The following ANKRD53 variants were observed in gnomAD, a reference collection of about 807,000 sequenced individuals.
ANKRD53 encodes ankyrin repeat domain-containing protein 53.
Under a neutral mutation model 30.1 loss-of-function variants are expected in ANKRD53, and 27 were observed. The observed-to-expected ratio is 0.90, with a 90% confidence interval of 0.66 to 1.24. The LOEUF (loss-of-function observed/expected upper bound fraction) is 1.24, where lower values mean the gene tolerates loss of function less well. Among genes scored for constraint, ANKRD53 ranks in the 50% most tolerant of loss-of-function variants. The pLI is 0.00. For synonymous variants in ANKRD53, 286 were observed against 295.4 expected, an observed-to-expected ratio of 0.97 and a Z score of 0.33; for missense variants, 682 against 721.0, an observed-to-expected ratio of 0.95 and a Z score of 0.62.
intron 3 of ANKRD53, 45 bp from the exon 4 acceptor site, chr2:70,981,891 G>A (rs1553423654): frequency 6.7e-7 from 1 of 1,497,796 alleles, no homozygotes; most frequent in Non-Finnish European, 8.9e-7. Flanking sequence ...GATGCTCTTT[G>A]TCTTTCCTTT....
At chr2:70,983,609 C>T (rs1553424059) in intron 5 of ANKRD53, among the ~76,000 whole-genome samples, 5 of 152,180 alleles carry the variant, frequency 3.3e-5, no homozygotes, top group African/African-American at 2.4e-5. Flanking sequence ...CAGCCCTATC[C>T]TCCTCTGATG....
At position 70,979,720 on chromosome 2, in the gene ANKRD53, G is replaced by C; in HGVS notation, c.477G>C (p.Leu159=). The change falls in exon 3 of 6, where the codon CTG becomes CTC. Residue 159 remains leucine, a synonymous_variant. Coordinates refer to ENST00000360589, the MANE Select transcript of ANKRD53 (RefSeq NM_001115116.2). The part of the protein sequence containing the change: ...QWGKLACLQV[L]VEEYKFPVDL... ...GCAAGCTTGCATGCCTGCAGGTCCT[G>C]GTAGAGGAGTACAAGTTTCCCGTGG... The C allele has an allele frequency of 6.2e-7, 1 of 1,614,212 alleles. No homozygotes were observed. Among genetic ancestry groups the C allele is most frequent in the Non-Finnish European group, 8.5e-7 (1 of 1,180,036 alleles).
chr2:70,978,955 G>T lies in ANKRD53; in HGVS notation c.170+140G>T. On this transcript the variant is annotated intron_variant, in intron 1 of 5. Coordinates refer to ENST00000360589, the MANE Select transcript of ANKRD53 (RefSeq NM_001115116.2). The surrounding 1 kb of genome is among the most constrained non-coding windows in gnomAD (Gnocchi z 4.3). ...CAGAGACAGGCTGGGGCCAGGGATC[G>T]CCTCCCGAGAGGTGCCTAGGCCGTG... The T allele has an allele frequency of 1.4e-6, 2 of 1,435,256 alleles. No individual in the cohort carries two copies. The highest frequency in any genetic ancestry group is 1.8e-6 in the Non-Finnish European group (2 of 1,091,090). The allele number at this position is 1,435,256 out of a possible 1,614,324, so 88.9% of individuals were successfully genotyped here. A position where few individuals can be genotyped will look rare whatever the true frequency, so the allele number is the denominator to read the frequency against.
intron 5 of ANKRD53, chr2:70,984,122 G>C: frequency 1.2e-6 from 2 of 1,612,634 alleles, no homozygotes; most frequent in Non-Finnish European, 1.7e-6. Context: ...TCTCTTTCCA[G>C]GGTCAAGGAT....
At chr2:70,978,520 CG>C, upstream of ANKRD53, 1 of 1,189,104 alleles carries the variant, frequency 8.4e-7, no homozygotes, top group Non-Finnish European at 1.1e-6. This position sits in a 1 kb window ranked among gnomAD's most constrained non-coding sequence, Gnocchi z 4.3. Flanking sequence ...GAGAGGCAGC[CG>C]AACCCTAGCG....
At chr2:70,979,028 C>T (rs1558686485) in intron 1 of ANKRD53, 69 bp from the exon 2 acceptor site, 1 of 1,482,018 alleles carries the variant, frequency 6.7e-7, no homozygotes, top group Non-Finnish European at 8.9e-7. Context: ...AGGCGGGGGC[C>T]AGGGATCGCC....
Position 70,985,036 on chromosome 2 carries a change from G to A in ANKRD53, c.1329G>A (p.Trp443Ter). 6.5e-7 allele frequency: 1 copy of A among 1,549,532 alleles called. No homozygotes were observed. Among genetic ancestry groups the A allele is most frequent in the Non-Finnish European group, 8.7e-7 (1 of 1,146,746 alleles). The change falls in exon 6 of 6, where the codon TGG becomes TGA. Residue 443 changes from tryptophan (W) to a stop codon, truncating the protein, a stop_gained. Transcript: ENST00000360589. LOFTEE classifies it low-confidence loss of function (END_TRUNC). ...GGCTGCACACAGTGGACGGCCACTG[G>A]GTGGCGCCCGTGCCGCGGCTGCCTT... ...GARLHTVDGH[W>*]VAPVPRLPFE... is the part of the protein sequence containing the mutation.
rs782524974 is a variant in ANKRD53 at position 70,984,851 on chromosome 2, C to T, written c.1144C>T (p.Arg382Trp). 10 of 1,551,602 alleles carry T rather than the reference C, an allele frequency of 6.4e-6. No individual in the cohort carries two copies. Among genetic ancestry groups the T allele is most frequent in the African/African-American group, 4.1e-5 (3 of 73,062 alleles). ...CATCTACAGGAAGCCCACGGTCAAG[C>T]GGCCCACAATGTGGAATGTTAGCAA... Reference protein sequence around the residue: ...KPIYRKPTVKRPTMWNVSNNP... With the variant: ...KPIYRKPTVKWPTMWNVSNNP... Residue 382 changes from arginine to tryptophan, a missense_variant, in exon 6 of 6, where the codon CGG (arginine) becomes TGG (tryptophan). Coordinates refer to ENST00000360589, the MANE Select transcript of ANKRD53 (RefSeq NM_001115116.2).
At chr2:70,984,576 C>T in intron 5 of ANKRD53, 35 bp from the exon 6 acceptor site, 6 of 1,603,080 alleles carry the variant, frequency 3.7e-6, no homozygotes, top group Middle Eastern at 3.3e-4. Context: ...GGGCAGCAGT[C>T]CTCCATGACT....
At chr2:70,984,122 G>A in intron 5 of ANKRD53, 2 of 1,612,634 alleles carry the variant, frequency 1.2e-6, no homozygotes, top group Non-Finnish European at 1.7e-6. Context: ...TCTCTTTCCA[G>A]GGTCAAGGAT....
In ANKRD53 at chr2:70,985,291, C is replaced by T. The variant is rs1490134142; in HGVS notation, c.1584C>T (p.Thr528=). The T allele has an allele frequency of 6.5e-7, 1 of 1,544,988 alleles. No homozygotes were observed. The change falls in exon 6 of 6, where the codon ACC becomes ACT. Residue 528 remains threonine, a synonymous_variant. Coordinates refer to ENST00000360589, the MANE Select transcript of ANKRD53 (RefSeq NM_001115116.2). ...TCCCCACCCTGCCCTCCCCACAAAC[C>T]AACCCATAAAGTTATTATGGCTACC... The part of the protein sequence containing the change: ...QGLPTLPSPQ[T]NP
intron 3 of ANKRD53, 99 bp from the exon 4 acceptor site, chr2:70,981,836 TA>T: frequency 7.6e-7 from 1 of 1,322,428 alleles, no homozygotes; most frequent in Non-Finnish European, 1.0e-6. Flanking sequence ...GGACTGATGG[TA>T]GAGCAGGGCT....
Position 70,984,634 on chromosome 2 carries a change from A to C in ANKRD53, c.927A>C (p.Glu309Asp), listed in dbSNP as rs926413735. ...AGAAAGAGCACAAAATTCTCAGAGA[A>C]GCTGCTATCAGAAAGTGGCTCCACG... ...EYQKEHKILR[E>D]AAIRKWLHGK... is the part of the protein sequence containing the mutation. The change falls in exon 6 of 6, where the codon GAA becomes GAC. Residue 309 changes from glutamate to aspartate, a missense_variant. By Grantham distance (45) the Glu-to-Asp change is conservative. Coordinates refer to ENST00000360589, the MANE Select transcript of ANKRD53 (RefSeq NM_001115116.2). 8 of 1,614,116 alleles carry C rather than the reference A, an allele frequency of 5.0e-6. No individual in the cohort carries two copies. Among genetic ancestry groups the C allele is most frequent in the Non-Finnish European group, 6.8e-6 (8 of 1,179,984 alleles).
chr2:70,981,235 A>G (rs1045549846), intron 3 of ANKRD53, among the ~76,000 whole-genome samples: 1 of 152,256 alleles, frequency 6.6e-6, no homozygotes, highest in African/African-American at 2.4e-5. Flanking sequence ...TGCTAGAGTC[A>G]CAGAAATGGT....
At position 70,981,998 on chromosome 2, in the gene ANKRD53, T is replaced by C. The variant is rs1670024027; in HGVS notation, c.680T>C (p.Val227Ala). ...GCCCGTGACGGCTTGCTGGACTGTG[T>C]GAAGGTCCTGGTGCAGAGTGGCGCC... ...LAARDGLLDC[V>A]KVLVQSGANV... is the part of the protein sequence containing the mutation. Residue 227 changes from valine (V) to alanine (A), a missense_variant, in exon 4 of 6, where the codon GTG (valine) becomes GCG (alanine). Physicochemically the swap from Val to Ala is moderately conservative, Grantham distance 64 (BLOSUM62 0). Transcript: ENST00000360589. 2 of 1,613,262 alleles carry C rather than the reference T, an allele frequency of 1.2e-6. No homozygotes were observed. Among genetic ancestry groups the C allele is most frequent in the African/African-American group, 1.3e-5 (1 of 74,872 alleles).
At chr2:70,983,766 T>C (rs1458196648) in intron 5 of ANKRD53, among the ~76,000 whole-genome samples, 1 of 152,184 alleles carries the variant, frequency 6.6e-6, no homozygotes, top group African/African-American at 2.4e-5. Flanking sequence ...TTCTCGTTCC[T>C]TTAGCTAGAA....
At position 70,985,461 on chromosome 2, in the gene ANKRD53, T is replaced by A. The variant is rs1558691025; in HGVS notation, c.*161T>A. On this transcript the variant is annotated 3_prime_UTR_variant, in exon 6 of 6. Coordinates refer to ENST00000360589, the MANE Select transcript of ANKRD53 (RefSeq NM_001115116.2). ...CAATCAAAAGCCCAGACCCCAGGCC[T>A]CCCTTTTCTCTGCAAATAAATCTCT... The A allele has an allele frequency of 1.6e-6, 1 of 641,148 alleles. No individual in the cohort carries two copies. The highest frequency in any genetic ancestry group is 2.6e-6 in the Non-Finnish European group (1 of 384,164). The allele number at this position is 641,148 out of a possible 1,614,324, so 39.7% of individuals were successfully genotyped here.
chr2:70,978,472 G>C, upstream of ANKRD53: 1 of 682,706 alleles, frequency 1.5e-6, no homozygotes, highest in Non-Finnish European at 2.2e-6. This position sits in a 1 kb window ranked among gnomAD's most constrained non-coding sequence, Gnocchi z 4.3. Flanking sequence ...CAGGCGGGCA[G>C]GGTCCCCGGA....
chr2:70,984,705 C>T lies in ANKRD53; in HGVS notation c.998C>T (p.Ala333Val), dbSNP rs201236100. Reference sequence around the variant, plus strand: ...TCTCTGGTCTCCAATACCAAGCAAGCCCGGGCCACCGCCCTCTCCAAGACC... The same window carrying T: ...TCTCTGGTCTCCAATACCAAGCAAGTCCGGGCCACCGCCCTCTCCAAGACC... ...GHSLVSNTKQ[A>V]RATALSKTPE... Residue 333 changes from alanine (A) to valine (V), a missense_variant, in exon 6 of 6, where the codon GCC becomes GTC. Coordinates refer to ENST00000360589, the MANE Select transcript of ANKRD53 (RefSeq NM_001115116.2). The T allele has an allele frequency of 8.7e-6, 14 of 1,612,160 alleles. No homozygotes were observed. In the Middle Eastern group the frequency reaches 4.9e-4, roughly 57 times the overall value.
Sources: gnomAD v4.1 joint callset for allele counts (sites outside exome capture counted in the v4.1 genomes callset) on GRCh38, gnomAD v4.1.1 for gene constraint, Gnocchi (gnomAD v3.1) non-coding constraint, MANE v1.5 for transcripts, NCBI Gene and HGNC (gene_info 2026-07-23, HGNC 2026-07-21) for gene names.